Variants in ZNF365 observed in about 807,000 individuals in gnomAD.
ZNF365 encodes the protein zinc finger protein 365.
Under a neutral mutation model 35.0 loss-of-function variants are expected in ZNF365, and 22 were observed. The ratio of observed to expected loss-of-function variants is 0.63; its 90% CI spans 0.45 to 0.90. ZNF365 has a LOEUF of 0.90. ZNF365 is among the 40% of genes least tolerant of loss of function. The pLI is 0.00. For synonymous variants in ZNF365, 188 were observed against 196.2 expected (o/e 0.96, Z 0.35); for missense variants, 448 against 500.3 (o/e 0.90, Z 1.00).
intron 3 of ZNF365, among the ~76,000 whole-genome samples, chr10:62,448,832 A>T (rs1840632587): frequency 6.6e-6 from 1 of 152,196 alleles, no homozygotes; most frequent in Admixed American, 6.5e-5. Context: ...TCTCCAACTT[A>T]AATAAAAGCA....
At chr10:62,404,572 ATTTG>A (rs1839876912), downstream of ZNF365, among the ~76,000 whole-genome samples, 1 of 152,078 alleles carries the variant, frequency 6.6e-6, no homozygotes, top group Non-Finnish European at 1.5e-5. Context: ...AGGGGACTCC[ATTTG>A]CTTAGGGGCT....
intron 3 of ZNF365, among the ~76,000 whole-genome samples, chr10:62,458,799 A>C (rs1840801555): frequency 1.3e-5 from 2 of 152,226 alleles, no homozygotes; most frequent in Non-Finnish European, 2.9e-5. Context: ...TTTAAGTTGT[A>C]CTTAAAAACA....
intron 3 of ZNF365, among the ~76,000 whole-genome samples, chr10:62,423,026 G>A (rs1419266236): frequency 6.6e-6 from 1 of 152,170 alleles, no homozygotes; most frequent in East Asian, 1.9e-4. Flanking sequence ...TTCACACAAT[G>A]TGTTGGCACC....
intron 3 of ZNF365, among the ~76,000 whole-genome samples, chr10:62,454,152 G>A (rs1448196324): frequency 6.6e-6 from 1 of 152,148 alleles, no homozygotes; most frequent in African/African-American, 2.4e-5. Context: ...TCCTCATAGG[G>A]AACTTACCAG....
At chr10:62,451,170 G>C (rs141092554) in intron 3 of ZNF365, among the ~76,000 whole-genome samples, 1 of 152,248 alleles carries the variant, frequency 6.6e-6, no homozygotes, top group Non-Finnish European at 1.5e-5. Context: ...GAGGAGTTTG[G>C]TCACTTCTTT....
intron 3 of ZNF365, among the ~76,000 whole-genome samples, chr10:62,419,166 A>G (rs1051693371): frequency 1.3e-5 from 2 of 152,148 alleles, no homozygotes; most frequent in Non-Finnish European, 2.9e-5. Flanking sequence ...ATAGTGTAAC[A>G]TATGTTACAT....
intron 3 of ZNF365, among the ~76,000 whole-genome samples, chr10:62,441,834 G>A (rs1840506590): frequency 6.6e-6 from 1 of 152,160 alleles, no homozygotes; most frequent in Non-Finnish European, 1.5e-5. Flanking sequence ...GGAGGTGGCA[G>A]GGAAATGGAT....
intron 2 of ZNF365, among the ~76,000 whole-genome samples, chr10:62,380,766 T>C (rs10761627): frequency 0.4 from 60,580 of 152,026 alleles, 12,683 homozygotes; most frequent in African/African-American, 0.51. Context: ...GGTAGTGCTG[T>C]CTGTAATCAG....
intron 4 of ZNF365, among the ~76,000 whole-genome samples, chr10:62,465,500 T>C (rs1172911346): frequency 1.3e-5 from 2 of 151,842 alleles, no homozygotes; most frequent in African/African-American, 4.8e-5. Context: ...CCAGGTGGAG[T>C]CCATGACCCA....
intron 3 of ZNF365, among the ~76,000 whole-genome samples, chr10:62,446,046 G>A (rs965468252): frequency 6.6e-6 from 1 of 152,148 alleles, no homozygotes; most frequent in African/African-American, 2.4e-5. Context: ...GACACAATTT[G>A]TGACCTTTAA....
chr10:62,472,555 T>G (rs1170367314), intron 4 of ZNF365, among the ~76,000 whole-genome samples: 1 of 152,190 alleles, frequency 6.6e-6, no homozygotes, highest in African/African-American at 2.4e-5. Flanking sequence ...ACCTGATGAT[T>G]GCAAAGTGAG....
At chr10:62,437,606 G>C (rs534865470) in intron 3 of ZNF365, among the ~76,000 whole-genome samples, 2 of 152,304 alleles carry the variant, frequency 1.3e-5, no homozygotes, top group East Asian at 3.9e-4. Context: ...CAAACAGCCA[G>C]ATCATCAGAG....
At chr10:62,395,017 T>A (rs1453340960) in intron 3 of ZNF365, among the ~76,000 whole-genome samples, 1 of 151,810 alleles carries the variant, frequency 6.6e-6, no homozygotes, top group Non-Finnish European at 1.5e-5. Flanking sequence ...AGGGAGAGAG[T>A]GGGGAGTAGA....
chr10:62,458,467 A>AACACACACACAC (rs3999114), intron 3 of ZNF365, among the ~76,000 whole-genome samples: 4 of 148,286 alleles, frequency 2.7e-5, no homozygotes, highest in Admixed American at 6.8e-5. Flanking sequence ...CACCATCTTG[A>AACACACACACAC]ACACACACAC....
At chr10:62,433,628 G>A (rs940100283) in intron 3 of ZNF365, among the ~76,000 whole-genome samples, 2 of 152,132 alleles carry the variant, frequency 1.3e-5, no homozygotes, top group African/African-American at 4.8e-5. Flanking sequence ...GATTTAAGAA[G>A]CAGAAGGTCA....
In ZNF365 at chr10:62,401,655, C is replaced by A. The variant is rs564770335; in HGVS notation, c.*1866C>A. The A allele has an allele frequency of 3.6e-5, 35 of 985,326 alleles. No individual in the cohort carries two copies. In the African/African-American group the frequency reaches 5.8e-4, roughly 16 times the overall value. 61.0% of individuals were successfully genotyped at this position (985,326 alleles called of 1,614,324 possible). A position where few individuals can be genotyped will look rare whatever the true frequency, so the allele number is the denominator to read the frequency against. On this transcript the variant is annotated 3_prime_UTR_variant, in exon 5 of 5. Transcript: ENST00000395254. ...AAGTTATTTATTATTGATGCTTATACCATGATTGCACCTTAGCCTTTTACA... is the reference window on the plus strand; with the variant it reads ...AAGTTATTTATTATTGATGCTTATAACATGATTGCACCTTAGCCTTTTACA...
intron 3 of ZNF365, among the ~76,000 whole-genome samples, chr10:62,436,137 A>G (rs933453479): frequency 6.6e-6 from 1 of 152,090 alleles, no homozygotes; most frequent in African/African-American, 2.4e-5. Context: ...TCACTTATAT[A>G]TATATAAAGG....
At chr10:62,377,529 A>G (rs762640299) in intron 2 of ZNF365, among the ~76,000 whole-genome samples, 4 of 152,082 alleles carry the variant, frequency 2.6e-5, no homozygotes, top group Admixed American at 6.6e-5. Context: ...CTATACTTCT[A>G]TGATTTAAGT....
At chr10:62,449,081 A>G (rs1309904695) in intron 3 of ZNF365, among the ~76,000 whole-genome samples, 2 of 151,716 alleles carry the variant, frequency 1.3e-5, no homozygotes, top group African/African-American at 4.8e-5. Context: ...AGAGAAGGGA[A>G]AAGAGAGGAA....
Sources: gnomAD v4.1 joint callset for allele counts (sites outside exome capture counted in the v4.1 genomes callset) on GRCh38, gnomAD v4.1.1 for gene constraint, MANE v1.5 for transcripts, NCBI Gene and HGNC (gene_info 2026-07-23, HGNC 2026-07-21) for gene names.